The following HIVEP3 variants were observed in gnomAD, a reference collection of about 807,000 sequenced individuals.
The protein encoded by HIVEP3 is HIVEP zinc finger 3, also known as transcription factor HIVEP3.
HIVEP3 carries 49 observed loss-of-function variants against 152.8 expected under a neutral mutation model. That is an observed-to-expected ratio of 0.32 (90% CI 0.26 to 0.41). HIVEP3 has a LOEUF of 0.41. HIVEP3 is among the 10% of genes least tolerant of loss of function. The probability of loss-of-function intolerance (pLI) is 1.00; values close to 1 mark genes in which losing one functional copy is unlikely to be tolerated. For missense variants in HIVEP3, 2,790 were observed against 3,103.3 expected (o/e 0.90, Z 2.40); for synonymous variants, 1,269 against 1,289.0 (o/e 0.98, Z 0.33).
At chr1:41,842,731 T>C (rs770396416) in intron 1 of HIVEP3, among the ~76,000 whole-genome samples, 2 of 152,138 alleles carry the variant, frequency 1.3e-5, no homozygotes, top group Non-Finnish European at 2.9e-5. Context: ...TCCCTCGAGA[T>C]GGTGAAGCTC....
At chr1:41,878,221 T>C (rs892822220) in intron 1 of HIVEP3, among the ~76,000 whole-genome samples, 3 of 152,238 alleles carry the variant, frequency 2.0e-5, no homozygotes, top group Non-Finnish European at 2.9e-5. Flanking sequence ...GAGTTGGCAC[T>C]GAGGAGAATT....
At chr1:41,714,051 G>A (rs1440872471) in intron 1 of HIVEP3, among the ~76,000 whole-genome samples, 1 of 152,218 alleles carries the variant, frequency 6.6e-6, no homozygotes. Flanking sequence ...GCCCAGGGCT[G>A]CTCAGCAGCT....
chr1:41,822,369 A>G (rs1035487540), intron 1 of HIVEP3, among the ~76,000 whole-genome samples: 3 of 152,232 alleles, frequency 2.0e-5, no homozygotes, highest in African/African-American at 7.2e-5. Context: ...GTGAGTCAAA[A>G]GCCAGCCCAG....
intron 1 of HIVEP3, among the ~76,000 whole-genome samples, chr1:41,757,167 G>A (rs1414694634): frequency 2.0e-5 from 3 of 150,502 alleles, no homozygotes; most frequent in Non-Finnish European, 3.0e-5. Context: ...CCAGGCTGGA[G>A]CGCAGTGGCG....
intron 1 of HIVEP3, among the ~76,000 whole-genome samples, chr1:41,803,300 A>G (rs1374484033): frequency 6.6e-6 from 1 of 152,228 alleles, no homozygotes; most frequent in East Asian, 1.9e-4. Flanking sequence ...TTCACAGGCG[A>G]AAAAGTCTTG....
intron 1 of HIVEP3, among the ~76,000 whole-genome samples, chr1:41,785,921 G>A (rs1361724313): frequency 2.0e-5 from 3 of 152,170 alleles, no homozygotes; most frequent in Non-Finnish European, 4.4e-5. Context: ...GCTTCAACCC[G>A]GGAGGCAGGG....
chr1:41,510,892 G>A lies in HIVEP3; in HGVS notation c.6780C>T (p.Val2260=). 1.2e-6 allele frequency: 2 copies of A among 1,613,484 alleles called. No homozygotes were observed. Among genetic ancestry groups the A allele is most frequent in the Non-Finnish European group, 1.7e-6 (2 of 1,179,864 alleles). The change falls in exon 9 of 9, where the codon GTC becomes GTT. Residue 2260 remains valine (V), a synonymous_variant. Coordinates refer to ENST00000372583, the MANE Select transcript of HIVEP3 (RefSeq NM_024503.5). The part of the protein sequence containing the change: ...SSASVSPVAK[V]SKFTLSSELE... The stretch of plus-strand genomic sequence containing the variant: ...GCTCTGAGGAGAGTGTGAATTTGGA[G>A]ACCTTAGCCACAGGCGACACGGAGG...
At chr1:41,574,372 G>A (rs1247375094) in intron 5 of HIVEP3, among the ~76,000 whole-genome samples, 1 of 152,136 alleles carries the variant, frequency 6.6e-6, no homozygotes, top group Non-Finnish European at 1.5e-5. Context: ...TTTTTTCAAC[G>A]CAGCTGCTAT....
intron 1 of HIVEP3, among the ~76,000 whole-genome samples, chr1:41,963,834 C>A (rs1327330129): frequency 2.0e-5 from 3 of 152,114 alleles, no homozygotes; most frequent in Non-Finnish European, 4.4e-5. Context: ...TTTTTTTCTG[C>A]CGAACAGATT....
At chr1:41,744,976 G>A (rs1362505922) in intron 1 of HIVEP3, among the ~76,000 whole-genome samples, 5 of 152,188 alleles carry the variant, frequency 3.3e-5, no homozygotes, top group Admixed American at 1.3e-4. Flanking sequence ...AGCCAGTGGC[G>A]TGGATCTCAG....
intron 1 of HIVEP3, among the ~76,000 whole-genome samples, chr1:41,772,551 A>C (rs1648440577): frequency 6.6e-6 from 1 of 152,200 alleles, no homozygotes; most frequent in Non-Finnish European, 1.5e-5. Flanking sequence ...AAAAAGGTGG[A>C]AGAAGCCATC....
rs1289956602 is a variant in HIVEP3 at position 41,582,073 on chromosome 1, G to A, written c.2725C>T (p.Arg909Cys). The A allele has an allele frequency of 6.2e-7, 1 of 1,614,066 alleles. No homozygotes were observed. The highest frequency in any genetic ancestry group is 1.3e-5 in the African/African-American group (1 of 74,914). ...GATGATTGGGCCATCTCTGCCAGGC[G>A]CAACCTCTTCTTTTTGGGTGGCAGC... ...EKLPPKKKRL[R>C]LAEMAQSSGE... The change falls in exon 4 of 9, where the codon CGC (arginine) becomes TGC (cysteine). Residue 909 changes from arginine to cysteine, a missense_variant. Physicochemically the swap from Arg to Cys is radical, Grantham distance 180. Around this residue, in one of 9 missense-constraint regions of HIVEP3, gnomAD observed 1,078 missense variants for 1,165.3 expected, o/e 0.93. Transcript: ENST00000372583. This position sits in a 1 kb window ranked among gnomAD's most constrained non-coding sequence, Gnocchi z 4.7.
intron 5 of HIVEP3, among the ~76,000 whole-genome samples, chr1:41,531,891 G>C (rs1160796046): frequency 1.5e-5 from 2 of 136,352 alleles, no homozygotes; most frequent in Admixed American, 7.1e-5. Context: ...GGACAGGGGA[G>C]ATGGAGGACA....
intron 1 of HIVEP3, among the ~76,000 whole-genome samples, chr1:41,999,185 C>T (rs1255495710): frequency 2.0e-5 from 3 of 152,170 alleles, no homozygotes; most frequent in African/African-American, 2.4e-5. Flanking sequence ...TGAGCCACCA[C>T]GCCCAGCCAT....
intron 5 of HIVEP3, among the ~76,000 whole-genome samples, chr1:41,530,387 G>T (rs644591): frequency 0.015 from 2,347 of 152,368 alleles, 42 homozygotes; most frequent in Non-Finnish European, 0.02. Flanking sequence ...TCACGTAGCA[G>T]ATCTCCAAGA....
chr1:41,722,306 C>T lies in HIVEP3; in HGVS notation c.-800-21311G>A, dbSNP rs141834361. On this transcript the variant is annotated intron_variant, in intron 1 of 8. Coordinates refer to ENST00000372583, the MANE Select transcript of HIVEP3 (RefSeq NM_024503.5). The stretch of plus-strand genomic sequence containing the variant: ...CCCAGCACAGGCCTGGGATGTAGCT[C>T]GTGCTTGTGAAATACTTGTTGCACT... Among the ~76,000 whole-genome samples, 21 of 152,360 alleles carry T rather than the reference C, an allele frequency of 1.4e-4. 1 individual carries two copies. In the East Asian group the frequency reaches 4.0e-3, roughly 29 times the overall value.
intron 5 of HIVEP3, among the ~76,000 whole-genome samples, chr1:41,546,269 T>C (rs890304869): frequency 1.3e-4 from 20 of 152,288 alleles, no homozygotes; most frequent in African/African-American, 4.8e-4. Flanking sequence ...AGGACTGTAG[T>C]GGAGAAGGCG....
chr1:41,563,037 T>A (rs777550174), intron 5 of HIVEP3, among the ~76,000 whole-genome samples: 1 of 152,014 alleles, frequency 6.6e-6, no homozygotes, highest in Non-Finnish European at 1.5e-5. Context: ...AATGAGGGCA[T>A]GGCAGGGGTG....
intron 2 of HIVEP3, among the ~76,000 whole-genome samples, chr1:41,667,048 T>C (rs1411667153): frequency 1.3e-5 from 2 of 152,200 alleles, no homozygotes; most frequent in Non-Finnish European, 2.9e-5. Flanking sequence ...TTGTGAAGGC[T>C]TCCCTGGCCC....
Sources: gnomAD v4.1 joint callset for allele counts (sites outside exome capture counted in the v4.1 genomes callset) on GRCh38, gnomAD v4.1.1 for gene constraint, gnomAD v4.1.1 regional missense constraint, Gnocchi (gnomAD v3.1) non-coding constraint, MANE v1.5 for transcripts, NCBI Gene and HGNC (gene_info 2026-07-23, HGNC 2026-07-21) for gene names.